The following JAK2 variants were observed in gnomAD, a reference collection of about 807,000 sequenced individuals.
JAK2 encodes the protein tyrosine-protein kinase JAK2.
In JAK2, 86 loss-of-function variants were observed where a neutral mutation model predicts 139.3. The observed-to-expected ratio is 0.62, with a 90% confidence interval of 0.52 to 0.74. The LOEUF (loss-of-function observed/expected upper bound fraction) is 0.74, where lower values mean the gene tolerates loss of function less well. JAK2 is among the 30% of genes least tolerant of loss of function. JAK2 has a pLI of 0.00. For synonymous variants in JAK2, 490 were observed against 437.7 expected (o/e 1.12, Z -1.49); for missense variants, 1,421 against 1,360.3 (o/e 1.04, Z -0.70).
At chr9:5,087,254 C>T (rs970577216) in intron 19 of JAK2, among the ~76,000 whole-genome samples, 6 of 152,164 alleles carry the variant, frequency 3.9e-5, no homozygotes, top group Non-Finnish European at 5.9e-5. Context: ...GCAGAAGGCA[C>T]CTCTTCACAG....
intron 22 of JAK2, among the ~76,000 whole-genome samples, chr9:5,092,158 A>C (rs1820633486): frequency 6.6e-6 from 1 of 152,136 alleles, no homozygotes; most frequent in Non-Finnish European, 1.5e-5. Flanking sequence ...GGTGGCAAGA[A>C]ATGGGCCACA....
chr9:5,124,454 T>TTGAAAGGAC (rs1444879373), intron 23 of JAK2, among the ~76,000 whole-genome samples: 1 of 151,734 alleles, frequency 6.6e-6, no homozygotes, highest in Admixed American at 6.6e-5. Context: ...GCACCATTTA[T>TTGAAAGGAC]TGAAAAGGGT....
rs1349941274 is a variant in JAK2, at chr9:5,129,112, T to G, written c.*2321T>G. On this transcript the variant is annotated 3_prime_UTR_variant, in exon 25 of 25. Coordinates refer to ENST00000381652, the MANE Select transcript of JAK2 (RefSeq NM_004972.4). ...TGTAATTTTCATCACAACTATAACT[T>G]CTGGTATTTAAATTTTATTTAAACA... 4.6e-5 allele frequency among the ~76,000 whole-genome samples: 7 copies of G among 152,066 alleles called. No individual in the cohort carries two copies.
chr9:5,020,135 C>T (rs1047691645), intron 2 of JAK2, among the ~76,000 whole-genome samples: 5 of 152,116 alleles, frequency 3.3e-5, no homozygotes, highest in Non-Finnish European at 7.3e-5. Flanking sequence ...GTAGGAGAAC[C>T]TCTGGCTGTC....
Position 5,002,690 on chromosome 9 carries a change from T to A in JAK2, c.-26+16668T>A, listed in dbSNP as rs140504734. On this transcript the variant is annotated intron_variant, in intron 2 of 24. Transcript: ENST00000381652. ...TCATTATTTTTACTGATTAAAAAAA[T>A]TTTTTTTGTTAATTCCTGAGAAATG... Among the ~76,000 whole-genome samples the A allele has an allele frequency of 4.5e-3, 690 of 152,014 alleles. 5 individuals are homozygous for A. Among genetic ancestry groups the A allele is most frequent in the Non-Finnish European group, 7.3e-3 (497 of 67,786 alleles).
chr9:5,054,493 T>C lies in JAK2; in HGVS notation c.615-70T>C, dbSNP rs1817627472. ...CATGGAAAAAGGTGGTAACTTCTTT[T>C]TCAATTTTTAGATTTATCTTCCAAT... On this transcript the variant is annotated intron_variant, in intron 6 of 24. Coordinates refer to ENST00000381652, the MANE Select transcript of JAK2 (RefSeq NM_004972.4). This position sits in a 1 kb window ranked among gnomAD's most constrained non-coding sequence, Gnocchi z 4.9. The C allele has an allele frequency of 7.4e-7, 1 of 1,343,230 alleles. No homozygotes were observed. Among genetic ancestry groups the C allele is most frequent in the African/African-American group, 1.5e-5 (1 of 68,072 alleles). 83.2% of individuals were successfully genotyped at this position (1,343,230 alleles called of 1,614,324 possible).
At chr9:5,044,313 C>T in intron 4 of JAK2, 90 bp from the exon 5 acceptor site, 1 of 781,804 alleles carries the variant, frequency 1.3e-6, no homozygotes, top group Admixed American at 2.1e-5. Context: ...GGGATAATAC[C>T]TTTCAGTATG....
chr9:5,077,976 C>T (rs2130586444), intron 15 of JAK2, among the ~76,000 whole-genome samples: 1 of 152,248 alleles, frequency 6.6e-6, no homozygotes, highest in East Asian at 1.9e-4. Context: ...CCTCAGGGTG[C>T]ACCTATGTCC....
chr9:5,071,715 C>T (rs1035680555), intron 12 of JAK2, among the ~76,000 whole-genome samples: 4 of 152,146 alleles, frequency 2.6e-5, no homozygotes, highest in Admixed American at 6.6e-5. Context: ...TATAAGGAGA[C>T]AATAGATAGA....
chr9:5,085,339 C>A, intron 19 of JAK2: 1 of 875,078 alleles, frequency 1.1e-6, no homozygotes, highest in Non-Finnish European at 1.9e-6. Flanking sequence ...AAAAGCTATT[C>A]CTACATTTTT....
At chr9:5,021,154 G>A (rs1362379053) in intron 2 of JAK2, among the ~76,000 whole-genome samples, 1 of 152,128 alleles carries the variant, frequency 6.6e-6, no homozygotes, top group East Asian at 1.9e-4. Flanking sequence ...GCTGATCCTG[G>A]CTGAGCAGGC....
chr9:5,036,345 A>T (rs1346593176), intron 4 of JAK2, among the ~76,000 whole-genome samples: 46 of 152,336 alleles, frequency 3.0e-4, no homozygotes, highest in African/African-American at 1.0e-3. Context: ...CAAGCTACAG[A>T]TGACTTTCTT....
At chr9:5,008,301 AC>A in intron 2 of JAK2, among the ~76,000 whole-genome samples, 1 of 152,212 alleles carries the variant, frequency 6.6e-6, no homozygotes, top group East Asian at 1.9e-4. Context: ...TTATGGCCTA[AC>A]ATGTGGTCTA....
chr9:5,038,355 TA>T (rs1341725658), intron 4 of JAK2, among the ~76,000 whole-genome samples: 7 of 152,110 alleles, frequency 4.6e-5, no homozygotes, highest in African/African-American at 1.7e-4. Flanking sequence ...TATCACACAT[TA>T]AAAAAATTAT....
intron 22 of JAK2, chr9:5,091,160 T>C (rs193095939): frequency 3.3e-6 from 1 of 301,992 alleles, no homozygotes; most frequent in East Asian, 6.5e-5. Context: ...TCTTCAAAAC[T>C]GTCTCCTATT....
At chr9:5,121,135 A>G (rs1823589893) in intron 22 of JAK2, among the ~76,000 whole-genome samples, 1 of 152,120 alleles carries the variant, frequency 6.6e-6, no homozygotes, top group Non-Finnish European at 1.5e-5. Context: ...GGAAAGTATA[A>G]TTGAAAACAA....
At chr9:5,112,749 G>A (rs1024910233) in intron 22 of JAK2, 11 of 679,768 alleles carry the variant, frequency 1.6e-5, no homozygotes, top group African/African-American at 5.5e-5. Flanking sequence ...TTGAAACGGC[G>A]AGAAGAGAAG....
rs773872362 is a variant in JAK2, at chr9:5,064,997, G to C, written c.1171G>C (p.Ala391Pro). ...CCTCTGTAAAGAAGTAGCACCTCCA[G>C]CCGTGCTTGAAAATATACAAAGCAA... Reference protein sequence around the residue: ...HYLCKEVAPPAVLENIQSNCH... With the variant: ...HYLCKEVAPPPVLENIQSNCH... The change falls in exon 9 of 25, where the codon GCC (alanine) becomes CCC (proline). Residue 391 changes from alanine to proline, a missense_variant. Ala to Pro is a conservative substitution (Grantham distance 27, BLOSUM62 -1). Transcript: ENST00000381652. 1.1e-5 allele frequency: 18 copies of C among 1,608,332 alleles called. No individual in the cohort carries two copies. Among genetic ancestry groups the C allele is most frequent in the Non-Finnish European group, 1.3e-5 (15 of 1,177,294 alleles).
At chr9:5,079,058 T>G (rs779343813) in intron 16 of JAK2, among the ~76,000 whole-genome samples, 1 of 152,204 alleles carries the variant, frequency 6.6e-6, no homozygotes, top group Non-Finnish European at 1.5e-5. Flanking sequence ...TTGATCAATT[T>G]TTGTGCACTG....
Sources: allele counts gnomAD v4.1 joint callset (sites outside exome capture counted in the v4.1 genomes callset), GRCh38; gene constraint gnomAD v4.1.1; non-coding constraint Gnocchi (gnomAD v3.1); transcripts MANE v1.5; gene names NCBI Gene and HGNC (gene_info 2026-07-23, HGNC 2026-07-21).